GSK3B: variants seen among roughly 807,000 people sequenced by gnomAD.
GSK3B encodes the protein glycogen synthase kinase 3 beta.
GSK3B carries 15 observed loss-of-function variants against 56.4 expected under a neutral mutation model. The observed-to-expected ratio is 0.27, with a 90% confidence interval of 0.18 to 0.41. The LOEUF (loss-of-function observed/expected upper bound fraction) is 0.41. Ranked by LOEUF, GSK3B falls within the 10% of genes least tolerant of loss-of-function variation. GSK3B has a pLI of 1.00. For missense variants in GSK3B, 300 were observed against 513.4 expected (o/e 0.58, Z 4.02); for synonymous variants, 181 against 188.9 (o/e 0.96, Z 0.34).
chr3:119,916,094 G>A lies in GSK3B; in HGVS notation c.558C>T (p.Asn186=). ...GICHRDIKPQ[N]LLLDPDTAVL... is the part of the protein sequence containing the mutation. ...CAGCAGTATCAGGATCCAACAAGAG[G>A]TTCTGCGGTTTAATATCCCGATGGC... The change falls in exon 5 of 11, where the codon AAC becomes AAT. Residue 186 remains asparagine, a synonymous_variant. Transcript: ENST00000264235. The A allele has an allele frequency of 6.2e-7, 1 of 1,613,282 alleles. No homozygotes were observed. Among genetic ancestry groups the A allele is most frequent in the Non-Finnish European group, 8.5e-7 (1 of 1,179,372 alleles).
At chr3:119,935,348 G>A (rs2056983592) in intron 3 of GSK3B, among the ~76,000 whole-genome samples, 2 of 152,030 alleles carry the variant, frequency 1.3e-5, no homozygotes, top group Non-Finnish European at 2.9e-5. Flanking sequence ...AGGAAAAGAG[G>A]GGAGAATTGC....
At chr3:119,936,332 T>TAAAA (rs1052636709) in intron 3 of GSK3B, among the ~76,000 whole-genome samples, 1 of 138,438 alleles carries the variant, frequency 7.2e-6, no homozygotes, top group African/African-American at 2.9e-5. Context: ...TAAATATATA[T>TAAAA]AAAAAATATA....
intron 3 of GSK3B, among the ~76,000 whole-genome samples, chr3:119,945,755 T>G (rs1303574908): frequency 6.6e-6 from 1 of 152,214 alleles, no homozygotes; most frequent in Non-Finnish European, 1.5e-5. Context: ...GAGAAAATGT[T>G]TAAGAACTCT....
At chr3:119,901,321 G>C (rs1310900186) in intron 7 of GSK3B, among the ~76,000 whole-genome samples, 2 of 152,030 alleles carry the variant, frequency 1.3e-5, no homozygotes, top group African/African-American at 4.8e-5. Context: ...TTGATATGTA[G>C]AGGTCAAATG....
intron 8 of GSK3B, among the ~76,000 whole-genome samples, chr3:119,871,271 T>C (rs1034344759): frequency 2.6e-5 from 4 of 152,184 alleles, no homozygotes; most frequent in African/African-American, 9.7e-5. Context: ...ACACTAGTAT[T>C]GATTCACTAT....
intron 7 of GSK3B, among the ~76,000 whole-genome samples, chr3:119,894,886 C>A (rs1279424260): frequency 6.6e-6 from 1 of 152,034 alleles, no homozygotes; most frequent in Non-Finnish European, 1.5e-5. Flanking sequence ...ACATTTAGGT[C>A]TTTGATTCAT....
intron 10 of GSK3B, among the ~76,000 whole-genome samples, chr3:119,832,634 AGATTT>A (rs1206954753): frequency 2.0e-5 from 3 of 152,256 alleles, no homozygotes; most frequent in Non-Finnish European, 2.9e-5. Flanking sequence ...GGATTATATT[AGATTT>A]AATTCTTTTT....
chr3:119,916,956 G>A (rs77499414), intron 4 of GSK3B, among the ~76,000 whole-genome samples: 2 of 152,108 alleles, frequency 1.3e-5, no homozygotes, highest in Admixed American at 1.3e-4. Context: ...CTGGAGGAGA[G>A]AGAAACTTCA....
chr3:120,009,903 A>G (rs2057763759), intron 1 of GSK3B, among the ~76,000 whole-genome samples: 1 of 152,160 alleles, frequency 6.6e-6, no homozygotes, highest in Admixed American at 6.5e-5. Context: ...CCTTCATAAG[A>G]TAGCCAGGTG....
At chr3:120,070,867 G>C (rs1471583481) in intron 1 of GSK3B, among the ~76,000 whole-genome samples, 2 of 152,212 alleles carry the variant, frequency 1.3e-5, no homozygotes, top group East Asian at 1.9e-4. Context: ...GAATCGGCAA[G>C]ATTAGGGATC....
At chr3:120,091,464 A>T (rs180991267) in intron 1 of GSK3B, among the ~76,000 whole-genome samples, 241 of 152,320 alleles carry the variant, frequency 1.6e-3, no homozygotes, top group Middle Eastern at 3.4e-3. Context: ...ATTACCAAGA[A>T]TTCAAGAGTC....
chr3:119,972,145 T>C (rs1164024103), intron 2 of GSK3B, among the ~76,000 whole-genome samples: 1 of 152,174 alleles, frequency 6.6e-6, no homozygotes, highest in Non-Finnish European at 1.5e-5. Context: ...TAGGTGTCTA[T>C]ATAGATAGCT....
At chr3:119,840,897 G>A (rs140766830) in intron 10 of GSK3B, among the ~76,000 whole-genome samples, 3 of 152,308 alleles carry the variant, frequency 2.0e-5, no homozygotes, top group African/African-American at 7.2e-5. Flanking sequence ...AGCAGGGCCA[G>A]AAACACCGTT....
rs549400880 is a variant in GSK3B, at chr3:120,020,643, G to A, written c.89-18404C>T. Among the ~76,000 whole-genome samples, 3 of 152,154 alleles carry A rather than the reference G, an allele frequency of 2.0e-5. No individual in the cohort carries two copies. The East Asian group carries it at 5.8e-4, about 29-fold the overall frequency. On this transcript the variant is annotated intron_variant, in intron 1 of 10. Transcript: ENST00000264235. The stretch of plus-strand genomic sequence containing the variant: ...TCAGCCTCCTTATTCCAGACACAAC[G>A]ATATTGAAATTAGGCCAATTAATAA...
intron 1 of GSK3B, among the ~76,000 whole-genome samples, chr3:120,009,496 T>C (rs2057760434): frequency 6.6e-6 from 1 of 152,176 alleles, no homozygotes; most frequent in South Asian, 2.1e-4. Context: ...TGGAATACTA[T>C]GCCGCCATAA....
chr3:119,840,387 G>A (rs1344195433), intron 10 of GSK3B, among the ~76,000 whole-genome samples: 1 of 152,014 alleles, frequency 6.6e-6, no homozygotes, highest in South Asian at 2.1e-4. Context: ...ACCACGTCCG[G>A]CTAATTTTGT....
intron 2 of GSK3B, among the ~76,000 whole-genome samples, chr3:119,977,656 T>C (rs1477899249): frequency 1.3e-5 from 2 of 152,206 alleles, no homozygotes; most frequent in South Asian, 2.1e-4. Context: ...CTTTCAAGTT[T>C]CTATCGGTTT....
At chr3:119,992,838 G>A (rs989408068) in intron 2 of GSK3B, among the ~76,000 whole-genome samples, 3 of 151,996 alleles carry the variant, frequency 2.0e-5, no homozygotes, top group Non-Finnish European at 4.4e-5. Flanking sequence ...ATGTTAAAGT[G>A]TACTCAAAAT....
At chr3:120,035,856 C>T (rs1039823331) in intron 1 of GSK3B, among the ~76,000 whole-genome samples, 4 of 152,108 alleles carry the variant, frequency 2.6e-5, no homozygotes, top group Non-Finnish European at 5.9e-5. Flanking sequence ...TTGCTGAACT[C>T]ATTTATTAAC....
Sources: allele counts gnomAD v4.1 joint callset (sites outside exome capture counted in the v4.1 genomes callset), GRCh38; gene constraint gnomAD v4.1.1; transcripts MANE v1.5; gene names NCBI Gene and HGNC (gene_info 2026-07-23, HGNC 2026-07-21).